Variants in STRN3 observed in about 807,000 individuals in gnomAD.
STRN3 encodes striatin-3.
Under a neutral mutation model 95.6 loss-of-function variants are expected in STRN3, and 29 were observed. The ratio of observed to expected loss-of-function variants is 0.30; its 90% CI spans 0.23 to 0.41. The LOEUF is 0.41. Ranked by LOEUF, STRN3 falls within the 10% of genes least tolerant of loss-of-function variation. STRN3 has a pLI of 1.00. For missense variants in STRN3, 890 were observed against 972.1 expected (o/e 0.92, Z 1.12); for synonymous variants, 331 against 357.6 (o/e 0.93, Z 0.84).
chr14:30,909,878 T>C (rs534903133), intron 13 of STRN3, among the ~76,000 whole-genome samples: 1 of 152,318 alleles, frequency 6.6e-6, no homozygotes, highest in Admixed American at 6.5e-5. Flanking sequence ...CATCACTTTA[T>C]CTACTCAACA....
chr14:31,025,673 G>T, intron 1 of STRN3: 4 of 650,080 alleles, frequency 6.2e-6, no homozygotes, highest in South Asian at 2.0e-5. Context: ...TGGCTGCCCC[G>T]AGGAGGCCCG....
chr14:31,009,553 A>T (rs1882872232), intron 1 of STRN3, among the ~76,000 whole-genome samples: 1 of 151,964 alleles, frequency 6.6e-6, no homozygotes, highest in Admixed American at 6.6e-5. Flanking sequence ...GCACCCAAAA[A>T]TATAGCAGTG....
chr14:31,012,661 AG>A (rs1883021487), intron 1 of STRN3, among the ~76,000 whole-genome samples: 1 of 152,204 alleles, frequency 6.6e-6, no homozygotes, highest in Admixed American at 6.6e-5. Flanking sequence ...TGGGAGACCG[AG>A]GCGGGTGGAT....
chr14:30,899,995 G>A (rs542657086), intron 16 of STRN3, among the ~76,000 whole-genome samples: 99 of 152,066 alleles, frequency 6.5e-4, no homozygotes, highest in African/African-American at 3.9e-4. Context: ...TTAGCTAACC[G>A]GAAACAGCAG....
chr14:31,003,324 T>A (rs1882557909), intron 1 of STRN3, among the ~76,000 whole-genome samples: 2 of 151,000 alleles, frequency 1.3e-5, no homozygotes, highest in Non-Finnish European at 3.0e-5. Context: ...TTTTATGTCA[T>A]ATGTATTTTA....
In STRN3 at chr14:30,924,963, A is replaced by C. The variant is rs185865207; in HGVS notation, c.1099+4238T>G. On this transcript the variant is annotated intron_variant, in intron 8 of 17. Coordinates refer to ENST00000357479, the MANE Select transcript of STRN3 (RefSeq NM_001083893.2). ...ATATGGAATTCTCTGTACTATTCTCACAAAATTTTCTTAAGTCAGAAATTA... is the reference window on the plus strand; with the variant it reads ...ATATGGAATTCTCTGTACTATTCTCCCAAAATTTTCTTAAGTCAGAAATTA... Among the ~76,000 whole-genome samples the C allele has an allele frequency of 6.6e-5, 10 of 152,342 alleles. No individual in the cohort carries two copies. In the East Asian group the frequency reaches 1.3e-3, roughly 21 times the overall value.
In STRN3 at chr14:30,973,140, C is replaced by T. The variant is rs984317756; in HGVS notation, c.283-16898G>A. Among the ~76,000 whole-genome samples, 8 of 151,678 alleles carry T rather than the reference C, an allele frequency of 5.3e-5. No individual in the cohort carries two copies. In the East Asian group the frequency reaches 1.4e-3, roughly 26 times the overall value. Reference sequence around the variant, plus strand: ...AGGAGAATCACTTGTACCCTGGAGGCGGAGGTTACAGTGAGCTGAGATTGC... The same window carrying T: ...AGGAGAATCACTTGTACCCTGGAGGTGGAGGTTACAGTGAGCTGAGATTGC... On this transcript the variant is annotated intron_variant, in intron 1 of 17. Transcript: ENST00000357479.
intron 1 of STRN3, among the ~76,000 whole-genome samples, chr14:30,977,327 TA>T (rs1881155606): frequency 1.3e-5 from 2 of 150,784 alleles, no homozygotes; most frequent in African/African-American, 2.4e-5. Flanking sequence ...AAAGAAATAA[TA>T]AAAAATAGAA....
intron 5 of STRN3, 150 bp from the exon 6 acceptor site, chr14:30,936,774 A>G (rs1878843049): frequency 8.1e-6 from 8 of 990,652 alleles, no homozygotes; most frequent in Non-Finnish European, 4.2e-6. Flanking sequence ...AAGAAGTTTG[A>G]AAGATTTATG....
At chr14:30,920,944 C>T (rs1010718973) in intron 8 of STRN3, among the ~76,000 whole-genome samples, 8 of 151,956 alleles carry the variant, frequency 5.3e-5, no homozygotes, top group African/African-American at 1.7e-4. Context: ...ATACAAACTC[C>T]CTTCATTTTC....
At chr14:30,925,140 T>A (rs910765503) in intron 8 of STRN3, among the ~76,000 whole-genome samples, 10 of 150,954 alleles carry the variant, frequency 6.6e-5, no homozygotes, top group African/African-American at 2.4e-4. Flanking sequence ...ATATTGTATA[T>A]CTCACTTAGT....
intron 1 of STRN3, among the ~76,000 whole-genome samples, chr14:30,966,084 G>A (rs747786152): frequency 3.3e-5 from 5 of 150,200 alleles, no homozygotes; most frequent in Non-Finnish European, 7.4e-5. Flanking sequence ...CCTGACCCCC[G>A]CCAAAGCACT....
chr14:30,955,611 C>G lies in STRN3; in HGVS notation c.460+9G>C, dbSNP rs750607836. The G allele has an allele frequency of 3.2e-6, 5 of 1,547,162 alleles. No homozygotes were observed. The highest frequency in any genetic ancestry group is 4.3e-6 in the Non-Finnish European group (5 of 1,157,592). On this transcript the variant is annotated intron_variant, in intron 3 of 17. Transcript: ENST00000357479. ...AAAAAAAAAAAAGTAACAGAAGAAG[C>G]AAGTTTACCTGACTCAAAGGTTGGC... is the stretch of plus-strand genomic sequence containing the variant.
At chr14:30,944,539 A>G (rs559481865) in intron 5 of STRN3, among the ~76,000 whole-genome samples, 56 of 120,974 alleles carry the variant, frequency 4.6e-4, no homozygotes, top group Non-Finnish European at 5.6e-4. Context: ...ATATATATAC[A>G]TGTATATATA....
At chr14:30,897,507 C>G (rs1283911233) in intron 16 of STRN3, among the ~76,000 whole-genome samples, 2 of 152,132 alleles carry the variant, frequency 1.3e-5, no homozygotes, top group African/African-American at 4.8e-5. Context: ...ATCGCTTGAA[C>G]CCGGGAGGTG....
chr14:30,899,241 G>T (rs1217708404), intron 16 of STRN3, among the ~76,000 whole-genome samples: 1 of 152,092 alleles, frequency 6.6e-6, no homozygotes, highest in African/African-American at 2.4e-5. Context: ...ATACTATAAG[G>T]TTCTTCCAGA....
chr14:30,913,849 T>C (rs1019968758), intron 9 of STRN3, among the ~76,000 whole-genome samples, 192 bp from the exon 10 acceptor site: 1 of 152,246 alleles, frequency 6.6e-6, no homozygotes, highest in African/African-American at 2.4e-5. Flanking sequence ...GTGTATTAAC[T>C]GTCCACAAAT....
At chr14:30,925,411 A>T (rs1897003312) in intron 8 of STRN3, among the ~76,000 whole-genome samples, 1 of 152,178 alleles carries the variant, frequency 6.6e-6, no homozygotes, top group Non-Finnish European at 1.5e-5. Flanking sequence ...AAAAAAGAAA[A>T]AAGACTGGAT....
chr14:30,911,647 A>C (rs1452778215), intron 12 of STRN3, 130 bp downstream of exon 12: 1 of 802,458 alleles, frequency 1.2e-6, no homozygotes, highest in African/African-American at 1.7e-5. Flanking sequence ...ACAATTATTA[A>C]ATAGCTATTA....
Sources: gnomAD v4.1 joint callset for allele counts (sites outside exome capture counted in the v4.1 genomes callset) on GRCh38, gnomAD v4.1.1 for gene constraint, MANE v1.5 for transcripts, NCBI Gene and HGNC (gene_info 2026-07-23, HGNC 2026-07-21) for gene names.